QTMAN: variants seen among roughly 807,000 people sequenced by gnomAD.
The protein encoded by QTMAN is queuosine-tRNA mannosyltransferase, also known as tRNA-queuosine alpha-mannosyltransferase.
chr2:144,031,230 C>G, the QTMAN span, among the ~76,000 whole-genome samples: 5 of 151,636 alleles, frequency 3.3e-5, no homozygotes, highest in Admixed American at 3.3e-4. Flanking sequence ...AAGTTGCCAC[C>G]AGAATTGAAA....
At chr2:144,293,016 T>G in the QTMAN span, among the ~76,000 whole-genome samples, 1 of 152,164 alleles carries the variant, frequency 6.6e-6, no homozygotes, top group African/African-American at 2.4e-5. Context: ...ATAATAATAT[T>G]TGATCACTTC....
the QTMAN span, among the ~76,000 whole-genome samples, chr2:144,316,501 C>G: frequency 2.6e-3 from 393 of 152,198 alleles, 2 homozygotes; most frequent in East Asian, 0.025. Context: ...GGAGGTGATC[C>G]AATTCAGCTT....
At chr2:144,177,107 G>T in the QTMAN span, 1 of 699,574 alleles carries the variant, frequency 1.4e-6, no homozygotes, top group Admixed American at 2.0e-5. Context: ...CCACCTCCAT[G>T]ATCCAATCAC....
chr2:144,275,721 T>C, the QTMAN span, among the ~76,000 whole-genome samples: 1 of 152,202 alleles, frequency 6.6e-6, no homozygotes, highest in African/African-American at 2.4e-5. Flanking sequence ...GAATCCATCC[T>C]GGCCTCACAA....
At chr2:143,987,876 A>G in the QTMAN span, among the ~76,000 whole-genome samples, 1 of 152,204 alleles carries the variant, frequency 6.6e-6, no homozygotes, top group South Asian at 2.1e-4. Flanking sequence ...AACCCTCCCA[A>G]CTTCCCGCAA....
chr2:144,072,254 T>C, the QTMAN span, among the ~76,000 whole-genome samples: 2 of 152,172 alleles, frequency 1.3e-5, no homozygotes, highest in East Asian at 1.9e-4. Context: ...AGAAAAGAGG[T>C]GTATTTCACA....
At chr2:144,100,995 C>T in the QTMAN span, among the ~76,000 whole-genome samples, 15 of 151,350 alleles carry the variant, frequency 9.9e-5, no homozygotes, top group African/African-American at 2.9e-4. Context: ...TCAGCCTCCC[C>T]AGTAGCTGGG....
the QTMAN span, among the ~76,000 whole-genome samples, chr2:144,220,374 T>C: frequency 6.6e-6 from 1 of 152,240 alleles, no homozygotes; most frequent in Non-Finnish European, 1.5e-5. Context: ...CCAAAGTTTC[T>C]GCAGAGGAAG....
chr2:144,292,015 A>G, the QTMAN span, among the ~76,000 whole-genome samples: 4,038 of 152,296 alleles, frequency 0.027, 171 homozygotes, highest in African/African-American at 0.092. Flanking sequence ...TCTGACAACT[A>G]GTTGTCACAA....
chr2:144,007,130 T>C, the QTMAN span: 1 of 1,042,626 alleles, frequency 9.6e-7, no homozygotes, highest in African/African-American at 1.6e-5. Flanking sequence ...ACAGAATATA[T>C]TTTCTTTTAC....
chr2:144,330,219 T>C, the QTMAN span, among the ~76,000 whole-genome samples: 1 of 152,226 alleles, frequency 6.6e-6, no homozygotes, highest in Non-Finnish European at 1.5e-5. Context: ...TAATACCGTA[T>C]TTTTACTGTA....
the QTMAN span, among the ~76,000 whole-genome samples, chr2:144,078,607 C>G: frequency 6.6e-6 from 1 of 152,304 alleles, no homozygotes; most frequent in Non-Finnish European, 1.5e-5. Flanking sequence ...AAAACCACCT[C>G]TTACAATTCA....
At chr2:144,178,136 G>A in the QTMAN span, among the ~76,000 whole-genome samples, 1 of 152,076 alleles carries the variant, frequency 6.6e-6, no homozygotes, top group South Asian at 2.1e-4. Context: ...AAGAAGTGAG[G>A]AATGCATCCT....
At chr2:144,139,749 T>A in the QTMAN span, among the ~76,000 whole-genome samples, 2 of 152,082 alleles carry the variant, frequency 1.3e-5, no homozygotes, top group East Asian at 3.9e-4. Context: ...GTGACAGACA[T>A]GCTCTGAGTT....
At chr2:144,023,104 C>T in the QTMAN span, among the ~76,000 whole-genome samples, 1 of 152,176 alleles carries the variant, frequency 6.6e-6, no homozygotes, top group East Asian at 1.9e-4. Context: ...GTTGTTAGAG[C>T]CAGTTTCTGA....
At chr2:144,149,811 T>C in the QTMAN span, among the ~76,000 whole-genome samples, 1 of 152,070 alleles carries the variant, frequency 6.6e-6, no homozygotes, top group African/African-American at 2.4e-5. Flanking sequence ...GATTTTATTA[T>C]TTTCTGCTCA....
the QTMAN span, among the ~76,000 whole-genome samples, chr2:143,963,497 T>C: frequency 6.6e-6 from 1 of 151,964 alleles, no homozygotes; most frequent in African/African-American, 2.4e-5. Flanking sequence ...TTTTTTACTT[T>C]CATATTTTAA....
chr2:144,014,614 C>G, the QTMAN span, among the ~76,000 whole-genome samples: 1 of 152,128 alleles, frequency 6.6e-6, no homozygotes, highest in Non-Finnish European at 1.5e-5. Context: ...CCTCATTAGC[C>G]ATGTCTGGTC....
the QTMAN span, among the ~76,000 whole-genome samples, chr2:144,015,394 C>T: frequency 1.3e-5 from 2 of 152,138 alleles, no homozygotes; most frequent in Non-Finnish European, 2.9e-5. Context: ...CACTGGTGGT[C>T]AATTTCCTAA....
Sources: allele counts gnomAD v4.1 joint callset (sites outside exome capture counted in the v4.1 genomes callset), GRCh38; gene constraint gnomAD v4.1.1; transcripts MANE v1.5; gene names NCBI Gene and HGNC (gene_info 2026-07-23, HGNC 2026-07-21).